Variants in SRPX2 observed in about 807,000 individuals in gnomAD.
SRPX2 encodes the protein sushi repeat containing protein X-linked 2.
In SRPX2, 26 loss-of-function variants were observed where a neutral mutation model predicts 45.3. That is an observed-to-expected ratio of 0.57 (90% CI 0.42 to 0.80). SRPX2 has a LOEUF of 0.80. SRPX2 is among the 30% of genes least tolerant of loss of function. The pLI, the probability that SRPX2 is intolerant of heterozygous loss-of-function variation, is 0.00. For missense variants in SRPX2, 355 were observed against 399.8 expected (o/e 0.89, Z 0.95); for synonymous variants, 125 against 143.7 (o/e 0.87, Z 0.93).
chrX:100,671,082 C>G lies in SRPX2; in HGVS notation c.*95C>G. The G allele has an allele frequency of 1.0e-6, 1 of 986,609 alleles. No individual in the cohort carries two copies. 81.3% of individuals were successfully genotyped at this position (986,609 alleles called of 1,213,427 possible). A position where few individuals can be genotyped will look rare whatever the true frequency, so the allele number is the denominator to read the frequency against. Reference sequence around the variant, plus strand: ...AAGGAGGAAATGTTTTCCCACAGTTCTAGGGACAGGACTCTGAGGTGGGTG... The same window carrying G: ...AAGGAGGAAATGTTTTCCCACAGTTGTAGGGACAGGACTCTGAGGTGGGTG... On this transcript the variant is annotated 3_prime_UTR_variant, in exon 11 of 11. Coordinates refer to ENST00000373004, the MANE Select transcript of SRPX2 (RefSeq NM_014467.3).
At chrX:100,652,833 G>A (rs1054829399) in intron 3 of SRPX2, among the ~76,000 whole-genome samples, 1 of 111,061 alleles carries the variant, frequency 9.0e-6, no homozygotes, top group Admixed American at 9.6e-5. Flanking sequence ...GCCAAATGGT[G>A]CATACCCACT....
chrX:100,653,605 C>T (rs779592765), intron 3 of SRPX2, among the ~76,000 whole-genome samples: 18 of 112,040 alleles, frequency 1.6e-4, no homozygotes, highest in African/African-American at 5.5e-4. Flanking sequence ...CTGTTCTCCC[C>T]ACATGAAATC....
At chrX:100,652,292 G>A (rs1308558447) in intron 3 of SRPX2, among the ~76,000 whole-genome samples, 1 of 112,132 alleles carries the variant, frequency 8.9e-6, no homozygotes, top group Non-Finnish European at 1.9e-5. Context: ...TGTACCAAGA[G>A]GCTAAGAAAC....
Position 100,669,274 on chromosome X carries a change from GCATGTGAC to G in SRPX2, c.1126_1133del (p.Val376HisfsTer2). 1 of 1,210,741 alleles carries G rather than the reference GCATGTGAC, an allele frequency of 8.3e-7. No homozygotes were observed. The highest frequency in any genetic ancestry group is 1.1e-6 in the Non-Finnish European group (1 of 895,237). On this transcript the variant is annotated frameshift_variant, in exon 10 of 11. Transcript: ENST00000373004. LOFTEE classifies it high-confidence loss of function. ...AATCCACCTGTGGACTGGATTTGCG[GCATGTGAC>G]CATCATTGAACTGGTGGGACAGCCA...
intron 2 of SRPX2, among the ~76,000 whole-genome samples, chrX:100,647,977 G>C (rs1461075634): frequency 8.9e-6 from 1 of 112,514 alleles, no homozygotes; most frequent in Admixed American, 9.4e-5. Context: ...TAGCTCAGCT[G>C]TTGGGCTTGC....
intron 10 of SRPX2, among the ~76,000 whole-genome samples, chrX:100,669,856 T>A (rs769363939): frequency 1.1e-5 from 1 of 90,530 alleles, no homozygotes; most frequent in East Asian, 4.1e-4. Flanking sequence ...CACTGAAACC[T>A]CCACCTCCCA....
intron 9 of SRPX2, among the ~76,000 whole-genome samples, chrX:100,668,399 A>G (rs1034657964): frequency 6.4e-5 from 7 of 108,955 alleles, no homozygotes; most frequent in African/African-American, 2.0e-4. Flanking sequence ...GGCCTTATTC[A>G]TCTAGAGATC....
rs764897351 is a variant in SRPX2, at chrX:100,666,876, C to G, written c.904C>G (p.Pro302Ala). 1 of 1,211,402 alleles carries G rather than the reference C, an allele frequency of 8.3e-7. No homozygotes were observed. Among genetic ancestry groups the G allele is most frequent in the Non-Finnish European group, 1.1e-6 (1 of 895,473 alleles). ...CDGGYDRQGT[P>A]SRVCQSSRQW... The stretch of plus-strand genomic sequence containing the variant: ...TGGCGGTTATGATCGCCAGGGGACA[C>G]CCTCCCGGGTCTGTCAGTCCAGCCG... The change falls in exon 8 of 11, where the codon CCC becomes GCC. Residue 302 changes from proline (P) to alanine (A), a missense_variant. Physicochemically the swap from Pro to Ala is conservative, Grantham distance 27. Coordinates refer to ENST00000373004, the MANE Select transcript of SRPX2 (RefSeq NM_014467.3).
chrX:100,670,502 A>C (rs1345456734), intron 10 of SRPX2, among the ~76,000 whole-genome samples: 2 of 111,980 alleles, frequency 1.8e-5, no homozygotes, highest in Admixed American at 1.9e-4. Context: ...CCTGCACAGC[A>C]ATATGTGATA....
At chrX:100,666,046 G>A (rs1224559283) in intron 7 of SRPX2, among the ~76,000 whole-genome samples, 2 of 111,880 alleles carry the variant, frequency 1.8e-5, no homozygotes, top group African/African-American at 6.5e-5. Flanking sequence ...GTGTTGTATT[G>A]TTTTGTTTTG....
chrX:100,646,284 A>G lies in SRPX2; in HGVS notation c.-39A>G. On this transcript the variant is annotated 5_prime_UTR_variant, in exon 2 of 11. It adds an upstream start codon to the 5' untranslated region. Transcript: ENST00000373004. The stretch of plus-strand genomic sequence containing the variant: ...CCTTTGCCCTGGTACTTCAGGCCAT[A>G]TACATCTTTTCTTGTCTCCATAATC... 2 of 1,166,790 alleles carry G rather than the reference A, an allele frequency of 1.7e-6. No homozygotes were observed. The highest frequency in any genetic ancestry group is 2.3e-6 in the Non-Finnish European group (2 of 855,627).
At chrX:100,658,310 T>C (rs1389242049) in intron 3 of SRPX2, among the ~76,000 whole-genome samples, 1 of 112,104 alleles carries the variant, frequency 8.9e-6, no homozygotes, top group African/African-American at 3.2e-5. Context: ...GGTGTCCAAT[T>C]TCATTATTCT....
Position 100,662,244 on chromosome X carries a change from A to T in SRPX2, c.232A>T (p.Asn78Tyr), listed in dbSNP as rs1442819619. 8.3e-7 allele frequency: 1 copy of T among 1,210,060 alleles called. No individual in the cohort carries two copies. Among genetic ancestry groups the T allele is most frequent in the Non-Finnish European group, 1.1e-6 (1 of 895,299 alleles). The change falls in exon 4 of 11, where the codon AAT (asparagine) becomes TAT (tyrosine). Residue 78 changes from asparagine (N) to tyrosine (Y), a missense_variant. By Grantham distance (143) the Asn-to-Tyr change is moderately radical. Transcript: ENST00000373004. ...CACATGCTACTCACCGAAGGGAGGA[A>T]ATTATCACAGCAGCCTGGGCACGCG... ...EATCYSPKGG[N>Y]YHSSLGTRCE...
intron 3 of SRPX2, among the ~76,000 whole-genome samples, chrX:100,654,900 C>T (rs1393336638): frequency 8.9e-6 from 1 of 112,251 alleles, no homozygotes; most frequent in African/African-American, 3.2e-5. Flanking sequence ...AGCTTGGAGT[C>T]AGCTGGGGCT....
In SRPX2 at chrX:100,662,365, G is replaced by A. The variant is rs1449724154; in HGVS notation, c.353G>A (p.Arg118Lys). Reference protein sequence around the residue: ...SRRWSGTAYCRQMRCHALPFI... With the variant: ...SRRWSGTAYCKQMRCHALPFI... The stretch of plus-strand genomic sequence containing the variant: ...CGTTGGTCTGGAACTGCCTACTGCA[G>A]GCGTAAGTTGTGTGTGTGCATATGC... Residue 118 changes from arginine (R) to lysine (K), a missense_variant and splice_region_variant, in exon 4 of 11, where the codon AGG becomes AAG. By Grantham distance (26) the Arg-to-Lys change is conservative (BLOSUM62 2). Coordinates refer to ENST00000373004, the MANE Select transcript of SRPX2 (RefSeq NM_014467.3). 1 of 1,211,354 alleles carries A rather than the reference G, an allele frequency of 8.3e-7. No homozygotes were observed. Among genetic ancestry groups the A allele is most frequent in the Non-Finnish European group, 1.1e-6 (1 of 895,617 alleles).
intron 10 of SRPX2, 85 bp from the exon 11 acceptor site, chrX:100,670,722 A>T: frequency 9.8e-7 from 1 of 1,022,542 alleles, no homozygotes; most frequent in Middle Eastern, 3.5e-4. Flanking sequence ...CCATGAGTGG[A>T]GCTGCAAAAA....
In SRPX2 at chrX:100,657,349, C is replaced by CTTTTTTTTTTTTTTTTTTATTTTT. The variant is rs2083173188; in HGVS notation, c.164-4809_164-4808insATTTTTTTTTTTTTTTTTTTTTTT. ...CCTGGCCGGCATCTGTTATTTATGT[C>CTTTTTTTTTTTTTTTTTTATTTTT]TTTTTTTTTTTTTTTTTTTGAGACA... On this transcript the variant is annotated intron_variant, in intron 3 of 10. Transcript: ENST00000373004. 7.0e-5 allele frequency among the ~76,000 whole-genome samples: 2 copies of CTTTTTTTTTTTTTTTTTTATTTTT among 28,417 alleles called. 1 individual carries two copies. Among genetic ancestry groups the CTTTTTTTTTTTTTTTTTTATTTTT allele is most frequent in the Non-Finnish European group, 1.3e-4 (2 of 15,351 alleles). The allele number at this position is 28,417 out of a possible 115,157, so 24.7% of individuals were successfully genotyped here. A position where few individuals can be genotyped will look rare whatever the true frequency, so the allele number is the denominator to read the frequency against.
Position 100,648,944 on chromosome X carries a change from T to A in SRPX2, c.83-1841T>A, listed in dbSNP as rs141361943. On this transcript the variant is annotated intron_variant, in intron 2 of 10. Transcript: ENST00000373004. ...CTGGAATGCCCACTCTGCTGCTTAC[T>A]AGCTGGGAGACCTTGGTTCTCTTGG... Among the ~76,000 whole-genome samples the A allele has an allele frequency of 1.5e-3, 167 of 112,776 alleles. 1 individual carries two copies. Among genetic ancestry groups the A allele is most frequent in the African/African-American group, 5.3e-3 (166 of 31,101 alleles).
intron 2 of SRPX2, chrX:100,649,415 G>C (rs1047230254): frequency 1.8e-5 from 2 of 109,950 alleles, no homozygotes; most frequent in East Asian, 5.7e-4. Flanking sequence ...GGAAAAAAGA[G>C]AGCAGGGGAG....
Sources: allele counts gnomAD v4.1 joint callset (sites outside exome capture counted in the v4.1 genomes callset), GRCh38; gene constraint gnomAD v4.1.1; transcripts MANE v1.5; gene names NCBI Gene and HGNC (gene_info 2026-07-23, HGNC 2026-07-21).